TMEM163: variants seen among roughly 807,000 people sequenced by gnomAD.
The protein encoded by TMEM163 is transmembrane protein 163.
Under a neutral mutation model 29.3 loss-of-function variants are expected in TMEM163, and 17 were observed. The ratio of observed to expected loss-of-function variants is 0.58; its 90% CI spans 0.40 to 0.87. The LOEUF (loss-of-function observed/expected upper bound fraction) is 0.87, where lower values mean the gene tolerates loss of function less well. Among genes scored for constraint, TMEM163 ranks in the 40% least tolerant of loss-of-function variants. The pLI is 0.00. For missense variants in TMEM163, 303 were observed against 381.5 expected (o/e 0.79, Z 1.71); for synonymous variants, 157 against 160.6 (o/e 0.98, Z 0.17).
chr2:134,605,245 G>C (rs1394337239), intron 2 of TMEM163, among the ~76,000 whole-genome samples: 1 of 151,406 alleles, frequency 6.6e-6, no homozygotes, highest in Non-Finnish European at 1.5e-5. Context: ...GGGGCCTTCT[G>C]ATTGAGCATA....
chr2:134,485,416 T>A (rs1679284732), intron 5 of TMEM163, among the ~76,000 whole-genome samples: 2 of 152,194 alleles, frequency 1.3e-5, no homozygotes, highest in African/African-American at 4.8e-5. Context: ...AGCGGAACCA[T>A]CGTAAGTTGG....
chr2:134,589,341 A>G (rs1201837029), intron 2 of TMEM163, among the ~76,000 whole-genome samples: 1 of 152,194 alleles, frequency 6.6e-6, no homozygotes, highest in Non-Finnish European at 1.5e-5. Flanking sequence ...AGGCATTCTT[A>G]GTCACTGGAT....
At chr2:134,559,601 C>G (rs1001636832) in intron 2 of TMEM163, among the ~76,000 whole-genome samples, 3 of 152,140 alleles carry the variant, frequency 2.0e-5, no homozygotes, top group Non-Finnish European at 2.9e-5. Flanking sequence ...AAGTGTTTGT[C>G]TCAGGCAAAC....
At chr2:134,601,906 T>C (rs1237651052) in intron 2 of TMEM163, among the ~76,000 whole-genome samples, 2 of 151,938 alleles carry the variant, frequency 1.3e-5, no homozygotes, top group East Asian at 1.9e-4. Context: ...AAAGGTGAGA[T>C]TGTAGCAAAG....
Position 134,456,582 on chromosome 2 carries a change from G to T in TMEM163, c.*134C>A. On this transcript the variant is annotated 3_prime_UTR_variant, in exon 8 of 8. Coordinates refer to ENST00000281924, the MANE Select transcript of TMEM163 (RefSeq NM_030923.5). Reference sequence around the variant, plus strand: ...CAAGGTAGATCCACCTGGCTGGGCAGACCTTGTCTTGTAATGACAAACCAT... The same window carrying T: ...CAAGGTAGATCCACCTGGCTGGGCATACCTTGTCTTGTAATGACAAACCAT... The T allele has an allele frequency of 9.2e-7, 1 of 1,092,374 alleles. No individual in the cohort carries two copies. The highest frequency in any genetic ancestry group is 1.3e-6 in the Non-Finnish European group (1 of 744,172). 67.7% of individuals were successfully genotyped at this position (1,092,374 alleles called of 1,614,324 possible). A position where few individuals can be genotyped will look rare whatever the true frequency, so the allele number is the denominator to read the frequency against.
At chr2:134,610,842 G>A (rs1165006279) in intron 2 of TMEM163, among the ~76,000 whole-genome samples, 1 of 152,146 alleles carries the variant, frequency 6.6e-6, no homozygotes, top group Non-Finnish European at 1.5e-5. Context: ...GGGAGAATGT[G>A]AGTGTGGGGG....
intron 5 of TMEM163, among the ~76,000 whole-genome samples, chr2:134,479,097 C>A (rs375212747): frequency 5.3e-5 from 8 of 152,340 alleles, no homozygotes; most frequent in South Asian, 2.1e-4. Flanking sequence ...GACACCAAAT[C>A]TGCTGGTAAC....
intron 2 of TMEM163, among the ~76,000 whole-genome samples, chr2:134,618,510 G>C (rs753797731): frequency 2.0e-5 from 3 of 152,110 alleles, no homozygotes; most frequent in Non-Finnish European, 2.9e-5. Flanking sequence ...AATCAGTAAA[G>C]ATATAAAAAA....
intron 5 of TMEM163, among the ~76,000 whole-genome samples, chr2:134,481,379 G>GT (rs984591829): frequency 2.4e-5 from 1 of 41,944 alleles, no homozygotes; most frequent in African/African-American, 3.5e-4. Context: ...TTGAATCATG[G>GT]GGGGGGGGGG....
intron 2 of TMEM163, among the ~76,000 whole-genome samples, chr2:134,705,713 C>T (rs572404056): frequency 6.6e-6 from 1 of 152,330 alleles, no homozygotes; most frequent in Non-Finnish European, 1.5e-5. Context: ...ATTCACCTGA[C>T]AGAGGCAATT....
intron 2 of TMEM163, among the ~76,000 whole-genome samples, chr2:134,635,839 T>C (rs1028803075): frequency 6.6e-6 from 1 of 151,892 alleles, no homozygotes; most frequent in African/African-American, 2.4e-5. Context: ...GTGTTCCAAG[T>C]GGAAAAGACC....
At chr2:134,542,032 A>T (rs1002188622) in intron 4 of TMEM163, among the ~76,000 whole-genome samples, 5 of 152,208 alleles carry the variant, frequency 3.3e-5, no homozygotes, top group African/African-American at 1.2e-4. Context: ...TCACTACATG[A>T]CTATCCCTTG....
intron 5 of TMEM163, among the ~76,000 whole-genome samples, chr2:134,476,383 G>A (rs1454358855): frequency 6.6e-6 from 1 of 152,172 alleles, no homozygotes; most frequent in Non-Finnish European, 1.5e-5. Context: ...TATCTTCATT[G>A]TGGTGGTAGT....
intron 2 of TMEM163, among the ~76,000 whole-genome samples, chr2:134,601,014 A>G (rs1332472492): frequency 4.6e-5 from 7 of 152,080 alleles, no homozygotes; most frequent in African/African-American, 1.7e-4. Flanking sequence ...CCTTCATAGT[A>G]AAAACATACA....
chr2:134,707,198 C>T (rs570938075), intron 2 of TMEM163, among the ~76,000 whole-genome samples: 2 of 152,306 alleles, frequency 1.3e-5, no homozygotes, highest in Admixed American at 1.3e-4. Context: ...AGATTCTCCA[C>T]AATAGTTCCA....
At chr2:134,538,823 A>C (rs1680598297) in intron 4 of TMEM163, among the ~76,000 whole-genome samples, 1 of 152,138 alleles carries the variant, frequency 6.6e-6, no homozygotes, top group African/African-American at 2.4e-5. Flanking sequence ...GGGGCTGGGC[A>C]TGGGGAAGGA....
intron 2 of TMEM163, among the ~76,000 whole-genome samples, chr2:134,691,700 C>G (rs1491002935): frequency 1.3e-5 from 2 of 152,192 alleles, no homozygotes; most frequent in East Asian, 3.9e-4. Context: ...AACCTGGCTT[C>G]CTTGTTTACC....
At chr2:134,710,186 G>A (rs550525797) in intron 2 of TMEM163, among the ~76,000 whole-genome samples, 10 of 152,126 alleles carry the variant, frequency 6.6e-5, no homozygotes, top group Non-Finnish European at 8.8e-5. Flanking sequence ...TGTCAAAAGC[G>A]CGTCCTTAAC....
chr2:134,557,669 G>GGTA (rs1336641425), intron 2 of TMEM163, among the ~76,000 whole-genome samples: 2 of 152,128 alleles, frequency 1.3e-5, no homozygotes, highest in African/African-American at 4.8e-5. Context: ...GTGAGCGGAG[G>GGTA]GTAGAGGAAC....
Sources: gnomAD v4.1 joint callset for allele counts (sites outside exome capture counted in the v4.1 genomes callset) on GRCh38, gnomAD v4.1.1 for gene constraint, MANE v1.5 for transcripts, NCBI Gene and HGNC (gene_info 2026-07-23, HGNC 2026-07-21) for gene names.